DNAH11: variants seen among roughly 807,000 people sequenced by gnomAD.
DNAH11 encodes dynein axonemal heavy chain 11, also known as axonemal beta dynein heavy chain 11.
DNAH11 carries 442 observed loss-of-function variants against 526.0 expected under a neutral mutation model. The ratio of observed to expected loss-of-function variants is 0.84; its 90% CI spans 0.78 to 0.91. The LOEUF (loss-of-function observed/expected upper bound fraction) is 0.91, where lower values mean the gene tolerates loss of function less well. Ranked by LOEUF, DNAH11 falls within the 40% of genes least tolerant of loss-of-function variation. DNAH11 has a pLI of 0.00. For missense variants in DNAH11, 6,989 were observed against 5,448.7 expected (o/e 1.28, Z -8.90); for synonymous variants, 2,461 against 1,935.9 (o/e 1.27, Z -7.12).
At chr7:21,640,918 C>A (rs747420079) in intron 28 of DNAH11, among the ~76,000 whole-genome samples, 2 of 152,116 alleles carry the variant, frequency 1.3e-5, no homozygotes, top group African/African-American at 4.8e-5. Context: ...ATTGTCCTTT[C>A]TTAATGACCG....
At chr7:21,553,252 C>T (rs945722911) in intron 2 of DNAH11, among the ~76,000 whole-genome samples, 3 of 151,732 alleles carry the variant, frequency 2.0e-5, no homozygotes, top group Non-Finnish European at 4.4e-5. Flanking sequence ...TCCTTTATTC[C>T]TAATCCTAAA....
intron 54 of DNAH11, among the ~76,000 whole-genome samples, chr7:21,757,503 G>A (rs1302216251): frequency 6.6e-6 from 1 of 152,066 alleles, no homozygotes; most frequent in Non-Finnish European, 1.5e-5. Flanking sequence ...TTTTGAGAGT[G>A]CTATGCAAGT....
chr7:21,737,395 G>A (rs1785663302), intron 46 of DNAH11, among the ~76,000 whole-genome samples: 1 of 152,182 alleles, frequency 6.6e-6, no homozygotes, highest in Admixed American at 6.5e-5. Context: ...ACAATCCCAG[G>A]CAACCACCGA....
chr7:21,840,403 A>G (rs567955517), intron 65 of DNAH11, among the ~76,000 whole-genome samples: 16 of 152,312 alleles, frequency 1.1e-4, no homozygotes, highest in African/African-American at 2.4e-5. Flanking sequence ...CATGACATCT[A>G]TACAATTTAA....
chr7:21,591,879 A>C (rs1024168141), intron 14 of DNAH11, among the ~76,000 whole-genome samples: 5 of 152,170 alleles, frequency 3.3e-5, no homozygotes, highest in Non-Finnish European at 7.4e-5. Flanking sequence ...CCTTATAGCT[A>C]CCACTGTTTG....
At chr7:21,545,406 CA>C (rs1328570462) in intron 2 of DNAH11, among the ~76,000 whole-genome samples, 2 of 151,204 alleles carry the variant, frequency 1.3e-5, no homozygotes, top group Non-Finnish European at 2.9e-5. Context: ...GTGGCAATTG[CA>C]GGGATCATTC....
intron 25 of DNAH11, among the ~76,000 whole-genome samples, chr7:21,621,672 A>G (rs6979537): frequency 0.44 from 65,801 of 149,758 alleles, 15,018 homozygotes; most frequent in East Asian, 0.6. Flanking sequence ...TTCAATACAC[A>G]CAAATCAATA....
intron 31 of DNAH11, among the ~76,000 whole-genome samples, chr7:21,683,500 G>C (rs563610420): frequency 2.0e-4 from 30 of 149,114 alleles, no homozygotes; most frequent in African/African-American, 7.6e-4. Context: ...AAAGTTACAA[G>C]ATTTATCTAA....
intron 6 of DNAH11, among the ~76,000 whole-genome samples, chr7:21,565,479 TAGG>T (rs1397222009): frequency 6.6e-6 from 1 of 152,160 alleles, no homozygotes; most frequent in Non-Finnish European, 1.5e-5. Context: ...CCTGAGCAGT[TAGG>T]AGGAAAGCCA....
chr7:21,788,217 C>A (rs971447287), intron 60 of DNAH11, among the ~76,000 whole-genome samples: 2 of 152,166 alleles, frequency 1.3e-5, no homozygotes, highest in Non-Finnish European at 2.9e-5. Flanking sequence ...GAAGAACTCT[C>A]ATTTTTGTCT....
intron 65 of DNAH11, among the ~76,000 whole-genome samples, chr7:21,841,620 G>A (rs1055127229): frequency 6.6e-6 from 1 of 152,138 alleles, no homozygotes; most frequent in Non-Finnish European, 1.5e-5. Flanking sequence ...GGGTGTGTGA[G>A]TGTCCCTGCC....
At chr7:21,864,476 C>T in intron 69 of DNAH11, 59 bp from the exon 70 acceptor site, 7 of 1,567,796 alleles carry the variant, frequency 4.5e-6, no homozygotes, top group South Asian at 1.2e-5. Flanking sequence ...GTGACTACTT[C>T]CTGTGTGACG....
At chr7:21,726,572 C>T (rs1785113527) in intron 45 of DNAH11, among the ~76,000 whole-genome samples, 1 of 151,786 alleles carries the variant, frequency 6.6e-6, no homozygotes, top group Non-Finnish European at 1.5e-5. Flanking sequence ...ATAAGAATGC[C>T]TAGTGATGGC....
chr7:21,620,328 G>C (rs1466943037), intron 25 of DNAH11, among the ~76,000 whole-genome samples: 1 of 151,986 alleles, frequency 6.6e-6, no homozygotes, highest in Non-Finnish European at 1.5e-5. Context: ...GATCACTAAA[G>C]CTTATTCCTC....
intron 63 of DNAH11, among the ~76,000 whole-genome samples, chr7:21,810,815 G>A (rs1373262615): frequency 6.6e-6 from 1 of 152,004 alleles, no homozygotes; most frequent in Non-Finnish European, 1.5e-5. Context: ...AATGGAAGGA[G>A]CATTTTAGGC....
intron 74 of DNAH11, among the ~76,000 whole-genome samples, chr7:21,880,382 A>T (rs996683720): frequency 1.3e-5 from 2 of 152,210 alleles, no homozygotes; most frequent in East Asian, 3.9e-4. Context: ...TGTCATCCAG[A>T]TTCTGCGAAG....
chr7:21,741,368 T>A (rs983773046), intron 48 of DNAH11, among the ~76,000 whole-genome samples: 9 of 152,350 alleles, frequency 5.9e-5, no homozygotes, highest in Middle Eastern at 3.4e-3. Flanking sequence ...ACACCTTGGT[T>A]GCTTTCACTT....
chr7:21,636,841 A>G (rs2128459671), intron 26 of DNAH11, among the ~76,000 whole-genome samples: 1 of 152,328 alleles, frequency 6.6e-6, no homozygotes, highest in East Asian at 1.9e-4. Flanking sequence ...TTGTGGTAAT[A>G]AAGGTAAACA....
At chr7:21,765,763 A>G (rs986714177) in intron 55 of DNAH11, among the ~76,000 whole-genome samples, 174 bp downstream of exon 55, 1 of 152,178 alleles carries the variant, frequency 6.6e-6, no homozygotes, top group Non-Finnish European at 1.5e-5. Context: ...TTTACATTCT[A>G]AGGAATATGA....
Sources: allele counts gnomAD v4.1 joint callset (sites outside exome capture counted in the v4.1 genomes callset), GRCh38; gene constraint gnomAD v4.1.1; transcripts MANE v1.5; gene names NCBI Gene and HGNC (gene_info 2026-07-23, HGNC 2026-07-21).